ZFHX3: variants seen among roughly 807,000 people sequenced by gnomAD.
ZFHX3 encodes the protein zinc finger homeobox 3.
Under a neutral mutation model 279.1 loss-of-function variants are expected in ZFHX3, and 42 were observed. That is an observed-to-expected ratio of 0.15 (90% CI 0.12 to 0.19). The LOEUF (loss-of-function observed/expected upper bound fraction) is 0.19, where lower values mean the gene tolerates loss of function less well. ZFHX3 is among the 10% of genes least tolerant of loss of function. The probability of loss-of-function intolerance (pLI) is 1.00; values close to 1 mark genes in which losing one functional copy is unlikely to be tolerated. For missense variants in ZFHX3, 4,981 were observed against 4,754.0 expected (o/e 1.05, Z -1.40); for synonymous variants, 2,293 against 1,957.8 (o/e 1.17, Z -4.52).
Position 73,264,392 on chromosome 16 carries a change from T to A in ZFHX3, c.-1193-7256A>T, listed in dbSNP as rs74030024. On this transcript the variant is annotated intron_variant, in intron 4 of 17. Transcript: ENST00000641206. ...TCTACTCATTCCCCTTCCTTCCAAC[T>A]TTAGGAGTCTTTTCATTTTTCTCTT... is the stretch of plus-strand genomic sequence containing the variant. 8.2e-3 allele frequency among the ~76,000 whole-genome samples: 1,245 copies of A among 152,194 alleles called. 15 individuals are homozygous for A. Among genetic ancestry groups the A allele is most frequent in the South Asian group, 0.027 (132 of 4,826 alleles).
At chr16:73,079,964 G>T (rs1965926552) in intron 8 of ZFHX3, among the ~76,000 whole-genome samples, 1 of 152,014 alleles carries the variant, frequency 6.6e-6, no homozygotes, top group Admixed American at 6.6e-5. Context: ...ATTCCCTGAT[G>T]CAGACAACCT....
At position 73,173,315 on chromosome 16, in the gene ZFHX3, G is replaced by T. The variant is rs1967583678; in HGVS notation, c.-1103-29484C>A. On this transcript the variant is annotated intron_variant, in intron 5 of 17. Transcript: ENST00000641206. The stretch of plus-strand genomic sequence containing the variant: ...GTGTTTTCTGAGATCTTCCGTGGGC[G>T]ACGGCTTGTCGTTTCCACTTGCAGT... 2.6e-5 allele frequency among the ~76,000 whole-genome samples: 4 copies of T among 151,990 alleles called. 1 individual carries two copies. Among genetic ancestry groups the T allele is most frequent in the Admixed American group, 6.6e-5 (1 of 15,246 alleles).
chr16:73,613,636 GTCC>G (rs2052269850), intron 2 of ZFHX3, among the ~76,000 whole-genome samples: 1 of 152,214 alleles, frequency 6.6e-6, no homozygotes, highest in South Asian at 2.1e-4. Flanking sequence ...TGAGACTTTG[GTCC>G]TCCCTAAAAA....
chr16:72,952,386 T>C (rs1961041184), intron 2 of ZFHX3, among the ~76,000 whole-genome samples: 1 of 152,220 alleles, frequency 6.6e-6, no homozygotes, highest in South Asian at 2.1e-4. Context: ...CCTGATCCTC[T>C]GCCCTGGGTG....
chr16:73,017,588 A>G (rs1964149946), intron 1 of ZFHX3, among the ~76,000 whole-genome samples: 1 of 151,560 alleles, frequency 6.6e-6, no homozygotes, highest in African/African-American at 2.4e-5. Context: ...CTTCCCCTCC[A>G]CCCACCCCTC....
chr16:73,283,973 A>C (rs544546583), intron 4 of ZFHX3, among the ~76,000 whole-genome samples: 1 of 151,826 alleles, frequency 6.6e-6, no homozygotes, highest in Admixed American at 6.6e-5. Context: ...ATTTTAAAAA[A>C]CAGTTTTTAT....
In ZFHX3 at chr16:72,812,795, C is replaced by T. The variant is rs527710533; in HGVS notation, c.3530-757G>A. 5.8e-4 allele frequency among the ~76,000 whole-genome samples: 88 copies of T among 152,254 alleles called. 1 individual carries two copies. The highest frequency in any genetic ancestry group is 1.9e-4 in the Non-Finnish European group (13 of 68,030). On this transcript the variant is annotated intron_variant, in intron 5 of 9. Coordinates refer to ENST00000268489, the MANE Select transcript of ZFHX3 (RefSeq NM_006885.4). ...TGCTTACACCACCAAAAAAACCAAA[C>T]GCTATTTAAAGAGGAGTGGCCCATG...
chr16:72,810,689 A>C (rs1017680223), intron 7 of ZFHX3, among the ~76,000 whole-genome samples: 14 of 152,166 alleles, frequency 9.2e-5, no homozygotes, highest in Non-Finnish European at 2.1e-4. Context: ...CACATTCACG[A>C]ATCAGCAATA....
intron 2 of ZFHX3, among the ~76,000 whole-genome samples, chr16:73,506,872 T>C (rs1210711115): frequency 1.3e-5 from 2 of 152,200 alleles, no homozygotes; most frequent in African/African-American, 2.4e-5. Context: ...GAGAGCCCTC[T>C]TCCTGGCTGA....
At chr16:73,689,215 C>T (rs959322926) in intron 1 of ZFHX3, among the ~76,000 whole-genome samples, 4 of 152,242 alleles carry the variant, frequency 2.6e-5, no homozygotes, top group Middle Eastern at 3.4e-3. Context: ...GATCTAGTTA[C>T]GTGAAACCTC....
intron 1 of ZFHX3, among the ~76,000 whole-genome samples, chr16:73,819,701 G>C (rs1266209869): frequency 1.3e-5 from 2 of 152,168 alleles, no homozygotes; most frequent in Non-Finnish European, 2.9e-5. Context: ...GGCAAGAGTA[G>C]GATGGGGGAA....
intron 5 of ZFHX3, among the ~76,000 whole-genome samples, chr16:73,244,326 C>A (rs1442640751): frequency 6.6e-6 from 1 of 151,938 alleles, no homozygotes; most frequent in Non-Finnish European, 1.5e-5. Context: ...AGGACGCCTT[C>A]CACTGTGAAG....
rs766659172 is a variant in ZFHX3, at chr16:73,191,343, C to T, written c.-1103-47512G>A. Reference sequence around the variant, plus strand: ...CAGGTCTGTTCGCTGGGCAAGGAGGCGGTGATGATATTGCTTCTAACAACC... The same window carrying T: ...CAGGTCTGTTCGCTGGGCAAGGAGGTGGTGATGATATTGCTTCTAACAACC... On this transcript the variant is annotated intron_variant, in intron 5 of 17. Coordinates refer to the ZFHX3 transcript ENST00000641206. Among the ~76,000 whole-genome samples the T allele has an allele frequency of 2.2e-4, 34 of 152,240 alleles. No homozygotes were observed. In the East Asian group the frequency reaches 4.1e-3, roughly 18 times the overall value.
chr16:73,744,139 T>C (rs1423172127), intron 1 of ZFHX3, among the ~76,000 whole-genome samples: 1 of 152,234 alleles, frequency 6.6e-6, no homozygotes, highest in Non-Finnish European at 1.5e-5. Flanking sequence ...ATCTAAAAGA[T>C]CTTTGTCCCA....
At chr16:72,977,794 A>T (rs1962416298) in intron 1 of ZFHX3, among the ~76,000 whole-genome samples, 1 of 152,158 alleles carries the variant, frequency 6.6e-6, no homozygotes, top group Admixed American at 6.5e-5. Flanking sequence ...CCCAGGGTGG[A>T]GGGGAGAGAT....
intron 2 of ZFHX3, among the ~76,000 whole-genome samples, chr16:73,672,616 GTTA>G (rs1055232186): frequency 6.7e-6 from 1 of 149,582 alleles, no homozygotes. Context: ...AAAATCAAAA[GTTA>G]TTATTTTTCG....
At chr16:72,937,411 T>G (rs78876585) in intron 3 of ZFHX3, among the ~76,000 whole-genome samples, 3,662 of 152,230 alleles carry the variant, frequency 0.024, 163 homozygotes, top group African/African-American at 0.083. Context: ...GTCCGGCGAA[T>G]TAGGACACAG....
chr16:72,959,984 C>A lies in ZFHX3; in HGVS notation c.162G>T (p.Arg54Ser). The A allele has an allele frequency of 7.4e-6, 12 of 1,613,154 alleles. No homozygotes were observed. Among genetic ancestry groups the A allele is most frequent in the Non-Finnish European group, 7.6e-6 (9 of 1,179,476 alleles). Residue 54 changes from arginine to serine, a missense_variant, in exon 2 of 10, where the codon AGG becomes AGT. Arg to Ser is a moderately radical substitution (Grantham distance 110). Transcript: ENST00000268489. ...GESHGPLDSL[R>S]APFNERLAES... ...CCGCGAGGCGCTCATTGAAGGGGGC[C>A]CTCAGGCTGTCCAAGGGCCCGTGGC...
At chr16:73,697,999 T>C (rs2053213095) in intron 1 of ZFHX3, among the ~76,000 whole-genome samples, 1 of 151,972 alleles carries the variant, frequency 6.6e-6, no homozygotes, top group Non-Finnish European at 1.5e-5. Flanking sequence ...GAGTGTGGGG[T>C]ATCTTTGTAG....
Sources: gnomAD v4.1 joint callset for allele counts (sites outside exome capture counted in the v4.1 genomes callset) on GRCh38, gnomAD v4.1.1 for gene constraint, MANE v1.5 for transcripts, NCBI Gene and HGNC (gene_info 2026-07-23, HGNC 2026-07-21) for gene names.